Variants in JAKMIP2 observed in about 807,000 individuals in gnomAD.
JAKMIP2 encodes janus kinase and microtubule-interacting protein 2.
Under a neutral mutation model 115.0 loss-of-function variants are expected in JAKMIP2, and 25 were observed. The ratio of observed to expected loss-of-function variants is 0.22; its 90% CI spans 0.16 to 0.30. JAKMIP2 has a LOEUF of 0.30. JAKMIP2 is among the 10% of genes least tolerant of loss of function. The pLI, the probability that JAKMIP2 is intolerant of heterozygous loss-of-function variation, is 1.00. For synonymous variants in JAKMIP2, 334 were observed against 343.6 expected (o/e 0.97, Z 0.31); for missense variants, 642 against 957.6 (o/e 0.67, Z 4.35).
At chr5:147,682,050 A>AAAAAAAAAG (rs71001451) in intron 1 of JAKMIP2, among the ~76,000 whole-genome samples, 3,261 of 148,900 alleles carry the variant, frequency 0.022, 148 homozygotes, top group African/African-American at 0.078. Flanking sequence ...AAAAAAAAAA[A>AAAAAAAAAG]AAAGAAAGAA....
intron 3 of JAKMIP2, among the ~76,000 whole-genome samples, chr5:147,654,710 C>A (rs551465678): frequency 1.4e-4 from 21 of 152,268 alleles, no homozygotes; most frequent in Non-Finnish European, 2.6e-4. Context: ...TGATTTCTTT[C>A]TCTTGCCTGA....
intron 2 of JAKMIP2, among the ~76,000 whole-genome samples, chr5:147,670,710 C>T (rs938750748): frequency 6.6e-6 from 1 of 152,138 alleles, no homozygotes; most frequent in Non-Finnish European, 1.5e-5. Flanking sequence ...CTCATAAGCA[C>T]ATAATATACT....
intron 1 of JAKMIP2, among the ~76,000 whole-genome samples, chr5:147,769,881 A>G (rs1429748670): frequency 6.6e-6 from 1 of 152,084 alleles, no homozygotes; most frequent in African/African-American, 2.4e-5. Flanking sequence ...TAGATGATTT[A>G]AACATTTTGA....
rs1019982453 is a variant in JAKMIP2 at position 147,650,603 on chromosome 5, T to A, written c.628-56A>T. The A allele has an allele frequency of 6.0e-6, 8 of 1,337,920 alleles. No homozygotes were observed. The African/African-American group carries it at 1.2e-4, about 19-fold the overall frequency. 82.9% of individuals were successfully genotyped at this position (1,337,920 alleles called of 1,614,324 possible). On this transcript the variant is annotated intron_variant, in intron 3 of 21. Coordinates refer to ENST00000616793, the MANE Select transcript of JAKMIP2 (RefSeq NM_001270941.2). ...TTAACAATGCTGTAAAGAAATACAT[T>A]TTTACAATGGTGTAGGTTTAACTTC...
At chr5:147,601,989 G>T (rs1379143776) in intron 20 of JAKMIP2, among the ~76,000 whole-genome samples, 178 bp from the exon 21 acceptor site, 1 of 152,160 alleles carries the variant, frequency 6.6e-6, no homozygotes, top group Non-Finnish European at 1.5e-5. Flanking sequence ...GAGTATCAGT[G>T]TTCAACTAAC....
chr5:147,635,588 T>C (rs1412518809), intron 12 of JAKMIP2, among the ~76,000 whole-genome samples: 2 of 152,102 alleles, frequency 1.3e-5, no homozygotes, highest in African/African-American at 4.8e-5. Flanking sequence ...GGAGATGGGG[T>C]TTTGCTCTTG....
At chr5:147,667,731 T>C (rs1759371787) in intron 2 of JAKMIP2, among the ~76,000 whole-genome samples, 1 of 152,214 alleles carries the variant, frequency 6.6e-6, no homozygotes, top group Admixed American at 6.5e-5. Flanking sequence ...TTTTAAAATT[T>C]CTTGTTTTCA....
At chr5:147,682,379 G>A (rs1760334795) in intron 1 of JAKMIP2, among the ~76,000 whole-genome samples, 1 of 152,294 alleles carries the variant, frequency 6.6e-6, no homozygotes, top group East Asian at 1.9e-4. Context: ...ATAGGGGAGT[G>A]ACTTGATGAA....
At chr5:147,765,048 GAA>G (rs1276639712) in intron 1 of JAKMIP2, among the ~76,000 whole-genome samples, 3 of 141,486 alleles carry the variant, frequency 2.1e-5, no homozygotes, top group Non-Finnish European at 4.6e-5. Flanking sequence ...AAGAAAGAGA[GAA>G]GAGAGAAGGA....
intron 1 of JAKMIP2, among the ~76,000 whole-genome samples, chr5:147,729,369 C>A (rs1033693188): frequency 6.6e-6 from 1 of 152,152 alleles, no homozygotes; most frequent in African/African-American, 2.4e-5. Context: ...TAGGTGTCAT[C>A]AGTAAACCCT....
chr5:147,770,059 G>A (rs1409987980), intron 1 of JAKMIP2, among the ~76,000 whole-genome samples: 6 of 151,920 alleles, frequency 3.9e-5, no homozygotes, highest in Non-Finnish European at 5.9e-5. Context: ...CCTTTAAAAC[G>A]TATGTATATA....
At chr5:147,715,638 A>G (rs1340846888) in intron 1 of JAKMIP2, among the ~76,000 whole-genome samples, 1 of 151,800 alleles carries the variant, frequency 6.6e-6, no homozygotes, top group Non-Finnish European at 1.5e-5. Context: ...GTATGTATAT[A>G]TTAATACAGC....
intron 1 of JAKMIP2, among the ~76,000 whole-genome samples, chr5:147,727,118 T>C (rs887728915): frequency 6.6e-6 from 1 of 152,240 alleles, no homozygotes; most frequent in Non-Finnish European, 1.5e-5. Flanking sequence ...CATGAACTAC[T>C]TCTGGCTTCA....
chr5:147,648,040 C>A (rs1229627739), intron 5 of JAKMIP2, among the ~76,000 whole-genome samples: 1 of 151,948 alleles, frequency 6.6e-6, no homozygotes, highest in Non-Finnish European at 1.5e-5. Flanking sequence ...CAGAAGAAGT[C>A]AGACAAAAAA....
In JAKMIP2 at chr5:147,613,720, C is replaced by T. The variant is rs984594357; in HGVS notation, c.2347-1349G>A. Reference sequence around the variant, plus strand: ...TTCGATAAGGCACAGAACAGCCACCCCTCCCCCTAAAAAAGAATAAAGAAT... The same window carrying T: ...TTCGATAAGGCACAGAACAGCCACCTCTCCCCCTAAAAAAGAATAAAGAAT... On this transcript the variant is annotated intron_variant, in intron 19 of 21. Coordinates refer to ENST00000616793, the MANE Select transcript of JAKMIP2 (RefSeq NM_001270941.2). Among the ~76,000 whole-genome samples, 25 of 152,004 alleles carry T rather than the reference C, an allele frequency of 1.6e-4. 1 individual carries two copies.
intron 1 of JAKMIP2, among the ~76,000 whole-genome samples, chr5:147,689,148 C>G (rs1333183745): frequency 6.6e-6 from 1 of 152,136 alleles, no homozygotes; most frequent in Non-Finnish European, 1.5e-5. Context: ...ACAGTGAGCA[C>G]AGACGTCCAA....
At chr5:147,744,269 G>C (rs1311289128) in intron 1 of JAKMIP2, among the ~76,000 whole-genome samples, 3 of 152,152 alleles carry the variant, frequency 2.0e-5, no homozygotes, top group Admixed American at 6.6e-5. Flanking sequence ...CTGGCCAGCT[G>C]TGTCATATTT....
At chr5:147,653,353 C>T (rs1758504746) in intron 3 of JAKMIP2, among the ~76,000 whole-genome samples, 1 of 152,172 alleles carries the variant, frequency 6.6e-6, no homozygotes, top group African/African-American at 2.4e-5. Flanking sequence ...CCTATTTCTC[C>T]ACAGACTCAC....
intron 6 of JAKMIP2, among the ~76,000 whole-genome samples, chr5:147,644,498 C>G (rs990998442): frequency 6.6e-6 from 1 of 152,154 alleles, no homozygotes; most frequent in Non-Finnish European, 1.5e-5. Flanking sequence ...ATATCATGCA[C>G]GATCTTAGAA....
Sources: gnomAD v4.1 joint callset for allele counts (sites outside exome capture counted in the v4.1 genomes callset) on GRCh38, gnomAD v4.1.1 for gene constraint, MANE v1.5 for transcripts, NCBI Gene and HGNC (gene_info 2026-07-23, HGNC 2026-07-21) for gene names.